The following SLC4A10 variants were observed in gnomAD, a reference collection of about 807,000 sequenced individuals.
The protein encoded by SLC4A10 is sodium-driven chloride bicarbonate exchanger.
A neutral mutation model predicts 137.7 loss-of-function variants in SLC4A10; 42 were observed. The observed-to-expected ratio is 0.30, with a 90% confidence interval of 0.24 to 0.39. The LOEUF (loss-of-function observed/expected upper bound fraction) is 0.39, where lower values mean the gene tolerates loss of function less well. SLC4A10 is among the 10% of genes least tolerant of loss of function. The pLI, the probability that SLC4A10 is intolerant of heterozygous loss-of-function variation, is 1.00. For synonymous variants in SLC4A10, 474 were observed against 464.1 expected (o/e 1.02, Z -0.27); for missense variants, 925 against 1,355.0 (o/e 0.68, Z 4.98).
chr2:161,879,093 A>T, intron 8 of SLC4A10, 38 bp from the exon 9 acceptor site: 2 of 1,602,002 alleles, frequency 1.2e-6, no homozygotes, highest in Non-Finnish European at 1.7e-6. Flanking sequence ...AGATTTTTCC[A>T]ATTTTGATTT....
chr2:161,896,897 A>G (rs2063565918), intron 11 of SLC4A10, among the ~76,000 whole-genome samples: 1 of 152,124 alleles, frequency 6.6e-6, no homozygotes, highest in South Asian at 2.1e-4. Context: ...AGGAATATTA[A>G]AATTTTAATA....
At chr2:161,718,779 T>G (rs1157658319) in intron 1 of SLC4A10, among the ~76,000 whole-genome samples, 2 of 152,138 alleles carry the variant, frequency 1.3e-5, no homozygotes, top group Admixed American at 1.3e-4. Flanking sequence ...CTGTTGTTTT[T>G]GGGTGGAAAG....
chr2:161,859,361 G>C (rs1011642640), intron 5 of SLC4A10, among the ~76,000 whole-genome samples: 1 of 147,844 alleles, frequency 6.8e-6, no homozygotes, highest in Non-Finnish European at 1.5e-5. Context: ...TGCGATCTCA[G>C]CTCACTGCAG....
intron 3 of SLC4A10, among the ~76,000 whole-genome samples, chr2:161,831,373 T>C (rs1475012686): frequency 6.6e-6 from 1 of 152,182 alleles, no homozygotes; most frequent in Admixed American, 6.5e-5. Flanking sequence ...ACTCATTCTT[T>C]TGTGTTTTAA....
chr2:161,831,244 C>A (rs572050232), intron 3 of SLC4A10, among the ~76,000 whole-genome samples: 17 of 152,214 alleles, frequency 1.1e-4, no homozygotes, highest in African/African-American at 4.1e-4. Context: ...CTGAAATACT[C>A]TCAATTATGA....
chr2:161,863,234 A>C (rs1465303977), intron 6 of SLC4A10, among the ~76,000 whole-genome samples, 172 bp downstream of exon 6: 1 of 152,170 alleles, frequency 6.6e-6, no homozygotes, highest in African/African-American at 2.4e-5. Flanking sequence ...TCAAGTTGTA[A>C]AAATTTTAGA....
At chr2:161,743,334 T>A (rs979837984) in intron 1 of SLC4A10, among the ~76,000 whole-genome samples, 3 of 152,214 alleles carry the variant, frequency 2.0e-5, no homozygotes, top group African/African-American at 7.2e-5. Flanking sequence ...TTCTTCTACA[T>A]AAGAATATCC....
intron 11 of SLC4A10, among the ~76,000 whole-genome samples, chr2:161,898,196 A>G (rs2063717904): frequency 6.6e-6 from 1 of 152,114 alleles, no homozygotes; most frequent in Admixed American, 6.6e-5. Flanking sequence ...GCAATAATGG[A>G]AATATTCTAC....
chr2:161,825,836 G>A (rs571009648), intron 3 of SLC4A10, among the ~76,000 whole-genome samples: 2 of 152,152 alleles, frequency 1.3e-5, no homozygotes, highest in Non-Finnish European at 2.9e-5. Flanking sequence ...ACTCTAAAAT[G>A]TGTCTGTTTC....
At chr2:161,968,996 G>A (rs964697611) in intron 23 of SLC4A10, among the ~76,000 whole-genome samples, 4 of 152,200 alleles carry the variant, frequency 2.6e-5, no homozygotes, top group South Asian at 4.2e-4. Context: ...GGTGGTAAAC[G>A]GACAAGTTCT....
chr2:161,677,777 A>T (rs2040425639), intron 1 of SLC4A10, among the ~76,000 whole-genome samples: 1 of 152,348 alleles, frequency 6.6e-6, no homozygotes, highest in East Asian at 1.9e-4. Flanking sequence ...TAGAGAATTA[A>T]GTGGCAGCAA....
intron 1 of SLC4A10, among the ~76,000 whole-genome samples, chr2:161,770,258 A>G (rs13006199): frequency 0.23 from 34,469 of 151,782 alleles, 4,734 homozygotes; most frequent in African/African-American, 0.39. Flanking sequence ...TTGTCAAAAT[A>G]GATTATACTC....
intron 1 of SLC4A10, among the ~76,000 whole-genome samples, chr2:161,631,832 G>A (rs2033616562): frequency 1.3e-5 from 2 of 151,650 alleles, no homozygotes; most frequent in Non-Finnish European, 3.0e-5. Context: ...GCTCTCAGAA[G>A]ATGAAAATGG....
chr2:161,723,943 T>A (rs1192466771), intron 1 of SLC4A10, among the ~76,000 whole-genome samples: 5 of 152,234 alleles, frequency 3.3e-5, no homozygotes, highest in Admixed American at 6.5e-5. Flanking sequence ...ATTTGTCTTA[T>A]AAATATCTCA....
rs182307445 is a variant in SLC4A10, at chr2:161,845,049, T to A, written c.416+5122T>A. Among the ~76,000 whole-genome samples, 4 of 152,278 alleles carry A rather than the reference T, an allele frequency of 2.6e-5. No individual in the cohort carries two copies. In the East Asian group the frequency reaches 7.7e-4, roughly 29 times the overall value. On this transcript the variant is annotated intron_variant, in intron 4 of 26. Coordinates refer to ENST00000446997, the MANE Select transcript of SLC4A10 (RefSeq NM_001178015.2). ...TTCAAACAAATGTCAGCAGAGTTTA[T>A]TTGAAAACTGGAACAAATTGCAGCA... is the stretch of plus-strand genomic sequence containing the variant.
At chr2:161,685,002 A>C (rs1242424886) in intron 1 of SLC4A10, among the ~76,000 whole-genome samples, 2 of 152,188 alleles carry the variant, frequency 1.3e-5, no homozygotes, top group Non-Finnish European at 2.9e-5. Context: ...ACAGGTTTGC[A>C]ATATGGACCC....
intron 9 of SLC4A10, among the ~76,000 whole-genome samples, chr2:161,880,934 C>G (rs772331763): frequency 1.3e-4 from 19 of 151,942 alleles, no homozygotes; most frequent in Non-Finnish European, 2.2e-4. Context: ...GTTATATACC[C>G]TTACTGTGAA....
In SLC4A10 at chr2:161,903,992, C is replaced by G. The variant is rs750496551; in HGVS notation, c.1443-12C>G. On this transcript the variant is annotated splice_polypyrimidine_tract_variant and intron_variant, in intron 12 of 26. Coordinates refer to ENST00000446997, the MANE Select transcript of SLC4A10 (RefSeq NM_001178015.2). ...TTTGGGTTTCACTATTGTGTTTTCC[C>G]CCCTGTCTTAGGATTTTTGGGGGAC... 1 of 1,554,764 alleles carries G rather than the reference C, an allele frequency of 6.4e-7. No individual in the cohort carries two copies. Among genetic ancestry groups the G allele is most frequent in the Non-Finnish European group, 8.7e-7 (1 of 1,148,162 alleles).
intron 21 of SLC4A10, among the ~76,000 whole-genome samples, chr2:161,959,341 GGCAACAGATCA>G (rs1696211681): frequency 6.6e-6 from 1 of 152,180 alleles, no homozygotes; most frequent in African/African-American, 2.4e-5. Context: ...GCATGAATTT[GGCAACAGATCA>G]GCCAGATGGT....
Sources: allele counts gnomAD v4.1 joint callset (sites outside exome capture counted in the v4.1 genomes callset), GRCh38; gene constraint gnomAD v4.1.1; transcripts MANE v1.5; gene names NCBI Gene and HGNC (gene_info 2026-07-23, HGNC 2026-07-21).